The following MAGI2 variants were observed in gnomAD, a reference collection of about 807,000 sequenced individuals.
MAGI2 encodes membrane-associated guanylate kinase, WW and PDZ domain-containing protein 2.
Under a neutral mutation model 133.3 loss-of-function variants are expected in MAGI2, and 35 were observed. The observed-to-expected ratio is 0.26, with a 90% CI of 0.20 to 0.35. The LOEUF (loss-of-function observed/expected upper bound fraction) is 0.35, where lower values mean the gene tolerates loss of function less well. Ranked by LOEUF, MAGI2 falls within the 10% of genes least tolerant of loss-of-function variation. MAGI2 has a pLI of 1.00. For synonymous variants in MAGI2, 729 were observed against 710.6 expected, an observed-to-expected ratio of 1.03 and a Z score of -0.41; for missense variants, 1,636 against 1,863.4, an observed-to-expected ratio of 0.88 and a Z score of 2.25.
intron 10 of MAGI2, among the ~76,000 whole-genome samples, chr7:78,207,833 C>G (rs1474229984): frequency 6.6e-6 from 1 of 152,142 alleles, no homozygotes; most frequent in African/African-American, 2.4e-5. Context: ...GAAAATTTCA[C>G]ATAACTACCA....
chr7:78,416,834 G>T (rs767012673), intron 6 of MAGI2, among the ~76,000 whole-genome samples: 24 of 152,140 alleles, frequency 1.6e-4, no homozygotes, highest in Non-Finnish European at 2.9e-4. Context: ...TTTATGCCAG[G>T]TGAGGACATA....
chr7:79,190,934 A>C lies in MAGI2; in HGVS notation c.302-183728T>G, dbSNP rs1827604128. Reference sequence around the variant, plus strand: ...TCAATGCCATTAAAAATAAGATATAAATTTTCTCTATTGATTGAAAATACC... The same window carrying C: ...TCAATGCCATTAAAAATAAGATATACATTTTCTCTATTGATTGAAAATACC... On this transcript the variant is annotated intron_variant, in intron 1 of 21. Transcript: ENST00000354212. Among the ~76,000 whole-genome samples the C allele has an allele frequency of 2.0e-5, 3 of 151,824 alleles. No homozygotes were observed. The South Asian group carries it at 6.2e-4, about 31-fold the overall frequency.
At chr7:78,536,444 T>TCAA (rs1222002595) in intron 3 of MAGI2, among the ~76,000 whole-genome samples, 3 of 152,056 alleles carry the variant, frequency 2.0e-5, no homozygotes, top group Non-Finnish European at 2.9e-5. Flanking sequence ...TCCCCTGTCT[T>TCAA]GATAAGTTGG....
chr7:78,296,577 T>A (rs1265994420), intron 9 of MAGI2, among the ~76,000 whole-genome samples: 1 of 152,216 alleles, frequency 6.6e-6, no homozygotes, highest in Non-Finnish European at 1.5e-5. Context: ...TACTATGGTA[T>A]GCCTTGTACC....
chr7:78,884,339 C>A (rs958228059), intron 2 of MAGI2, among the ~76,000 whole-genome samples: 13 of 151,986 alleles, frequency 8.6e-5, no homozygotes, highest in African/African-American at 3.1e-4. Flanking sequence ...AAAAAATTAG[C>A]CAAGTGTGCT....
At chr7:79,086,270 T>A (rs954229640) in intron 1 of MAGI2, among the ~76,000 whole-genome samples, 5 of 151,848 alleles carry the variant, frequency 3.3e-5, no homozygotes, top group Non-Finnish European at 7.4e-5. Context: ...GGAAGCTTCC[T>A]GATAGGTCAA....
chr7:78,724,353 G>C (rs1433002354), intron 2 of MAGI2, among the ~76,000 whole-genome samples: 1 of 152,144 alleles, frequency 6.6e-6, no homozygotes, highest in Non-Finnish European at 1.5e-5. Flanking sequence ...TAAAAGATGG[G>C]TTTCAAATGA....
chr7:79,318,748 C>T (rs1838939040), intron 1 of MAGI2, among the ~76,000 whole-genome samples: 1 of 152,094 alleles, frequency 6.6e-6, no homozygotes, highest in Non-Finnish European at 1.5e-5. Flanking sequence ...ATTTCTCACA[C>T]GACGTTGAAA....
chr7:78,346,174 C>T, intron 7 of MAGI2, 131 bp from the exon 8 acceptor site: 3 of 985,862 alleles, frequency 3.0e-6, no homozygotes, highest in Non-Finnish European at 3.0e-6. Context: ...TCACCCAGCA[C>T]GCGGTCAGGC....
intron 4 of MAGI2, among the ~76,000 whole-genome samples, chr7:78,510,723 A>C (rs769204334): frequency 6.6e-6 from 1 of 152,158 alleles, no homozygotes; most frequent in Non-Finnish European, 1.5e-5. Context: ...ATTCTTTTCA[A>C]GTTCTCTATT....
At chr7:78,914,144 T>C (rs1275276420) in intron 2 of MAGI2, among the ~76,000 whole-genome samples, 2 of 152,180 alleles carry the variant, frequency 1.3e-5, no homozygotes, top group Non-Finnish European at 2.9e-5. Flanking sequence ...GTGGTTTACT[T>C]GCCCCTTCAA....
At chr7:78,313,266 G>C (rs575354201) in intron 9 of MAGI2, among the ~76,000 whole-genome samples, 19 of 152,108 alleles carry the variant, frequency 1.2e-4, no homozygotes, top group African/African-American at 4.3e-4. Context: ...TCAGGTAATG[G>C]TTACACCAGA....
At chr7:78,840,949 C>A (rs556360801) in intron 2 of MAGI2, among the ~76,000 whole-genome samples, 1 of 151,976 alleles carries the variant, frequency 6.6e-6, no homozygotes, top group East Asian at 1.9e-4. Context: ...AGCACTTAAC[C>A]CATATCCTTT....
intron 1 of MAGI2, among the ~76,000 whole-genome samples, chr7:79,214,403 CTCTCTATATATATATATATATA>C (rs1262211309): frequency 1.2e-4 from 5 of 41,458 alleles, no homozygotes; most frequent in East Asian, 8.7e-4. Flanking sequence ...CTCTCTCTCT[CTCTCTATATATATATATATATA>C]TATATATATA....
chr7:79,415,348 C>A (rs895870668), intron 1 of MAGI2: 1 of 152,124 alleles, frequency 6.6e-6, no homozygotes, highest in Admixed American at 6.6e-5. Flanking sequence ...GTGAGACTGG[C>A]TGGAAATAGC....
chr7:78,776,152 C>A (rs865786262), intron 2 of MAGI2, among the ~76,000 whole-genome samples: 1 of 152,166 alleles, frequency 6.6e-6, no homozygotes, highest in Non-Finnish European at 1.5e-5. Context: ...CTATTATGTT[C>A]TCATTAAGTG....
At chr7:78,472,234 T>C (rs546105110) in intron 6 of MAGI2, among the ~76,000 whole-genome samples, 1 of 152,254 alleles carries the variant, frequency 6.6e-6, no homozygotes, top group Non-Finnish European at 1.5e-5. Context: ...CAATCTGTAT[T>C]AATGTCTTAA....
At chr7:78,682,406 A>T (rs1028873491) in intron 2 of MAGI2, among the ~76,000 whole-genome samples, 1 of 151,920 alleles carries the variant, frequency 6.6e-6, no homozygotes, top group Non-Finnish European at 1.5e-5. Flanking sequence ...CCAGTGTGTG[A>T]TGCTCCCCTC....
intron 1 of MAGI2, among the ~76,000 whole-genome samples, chr7:79,301,845 T>C (rs150806177): frequency 6.6e-6 from 1 of 152,324 alleles, no homozygotes; most frequent in East Asian, 1.9e-4. Context: ...GAACCCTTCA[T>C]GGCTTGGTGC....
Sources: gnomAD v4.1 joint callset for allele counts (sites outside exome capture counted in the v4.1 genomes callset) on GRCh38, gnomAD v4.1.1 for gene constraint, MANE v1.5 for transcripts, NCBI Gene and HGNC (gene_info 2026-07-23, HGNC 2026-07-21) for gene names.